Variants in MDGA2 observed in about 807,000 individuals in gnomAD.
MDGA2 encodes MAM domain containing glycosylphosphatidylinositol anchor 2.
MDGA2 carries 40 observed loss-of-function variants against 117.8 expected under a neutral mutation model. The ratio of observed to expected loss-of-function variants is 0.34; its 90% confidence interval spans 0.26 to 0.44. The LOEUF (loss-of-function observed/expected upper bound fraction) is 0.44, where lower values mean the gene tolerates loss of function less well. Among genes scored for constraint, MDGA2 ranks in the 20% least tolerant of loss-of-function variants. MDGA2 has a pLI of 1.00. For synonymous variants in MDGA2, 452 were observed against 439.0 expected (o/e 1.03, Z -0.37); for missense variants, 1,123 against 1,250.6 (o/e 0.90, Z 1.54).
intron 8 of MDGA2, among the ~76,000 whole-genome samples, chr14:46,974,158 A>G (rs1886369045): frequency 6.6e-6 from 1 of 152,192 alleles, no homozygotes; most frequent in Non-Finnish European, 1.5e-5. Flanking sequence ...AATACTTAGG[A>G]GTTAATTTAA....
chr14:47,547,820 T>C (rs1895493048), intron 1 of MDGA2, among the ~76,000 whole-genome samples: 1 of 152,210 alleles, frequency 6.6e-6, no homozygotes, highest in African/African-American at 2.4e-5. Context: ...ATTGAGCATT[T>C]GTAAATGCAT....
chr14:47,258,394 A>G (rs1037447779), intron 2 of MDGA2, among the ~76,000 whole-genome samples: 1 of 152,070 alleles, frequency 6.6e-6, no homozygotes, highest in Non-Finnish European at 1.5e-5. Context: ...AGCAAGAGGA[A>G]GAGAGTGAAG....
chr14:46,924,811 T>A (rs936654197), intron 9 of MDGA2, among the ~76,000 whole-genome samples: 1 of 152,080 alleles, frequency 6.6e-6, no homozygotes, highest in South Asian at 2.1e-4. Flanking sequence ...TCTTTTTAGA[T>A]GTATGTTTGC....
intron 2 of MDGA2, among the ~76,000 whole-genome samples, chr14:47,286,657 T>C (rs1487275618): frequency 2.0e-5 from 3 of 151,932 alleles, no homozygotes; most frequent in Admixed American, 2.0e-4. Flanking sequence ...CGGTTGATTC[T>C]GTATCTTGGC....
intron 14 of MDGA2, among the ~76,000 whole-genome samples, chr14:46,872,229 C>T (rs965144629): frequency 6.6e-6 from 1 of 151,854 alleles, no homozygotes; most frequent in Non-Finnish European, 1.5e-5. Flanking sequence ...GTGGCTGATA[C>T]ATATTATGTG....
At chr14:47,540,563 TACAC>T (rs1555330674) in intron 1 of MDGA2, among the ~76,000 whole-genome samples, 6 of 112,496 alleles carry the variant, frequency 5.3e-5, no homozygotes, top group Admixed American at 1.1e-4. Context: ...TGTATATATA[TACAC>T]ACACACATAG....
rs569398198 is a variant in MDGA2 at position 47,018,224 on chromosome 14, G to T, written c.1819+16787C>A. Among the ~76,000 whole-genome samples the T allele has an allele frequency of 9.2e-5, 14 of 151,786 alleles. No individual in the cohort carries two copies. The South Asian group carries it at 2.3e-3, about 25-fold the overall frequency. ...GATTGTGACAGGAGTCTAAACAGGAGAACATTACCAGGAAAAAACTAAATT... is the reference window on the plus strand; with the variant it reads ...GATTGTGACAGGAGTCTAAACAGGATAACATTACCAGGAAAAAACTAAATT... On this transcript the variant is annotated intron_variant, in intron 8 of 16. Coordinates refer to ENST00000399232, the MANE Select transcript of MDGA2 (RefSeq NM_001113498.3).
chr14:46,893,662 A>C (rs1343011208), intron 10 of MDGA2, among the ~76,000 whole-genome samples: 1 of 152,066 alleles, frequency 6.6e-6, no homozygotes, highest in Non-Finnish European at 1.5e-5. Context: ...AGACAAATTT[A>C]AAAATTATTA....
chr14:47,541,919 A>T (rs1020847671), intron 1 of MDGA2, among the ~76,000 whole-genome samples: 1 of 152,180 alleles, frequency 6.6e-6, no homozygotes, highest in Non-Finnish European at 1.5e-5. Flanking sequence ...TCTTCTTCGG[A>T]AAGTAAAATA....
At chr14:47,241,576 C>T (rs1887042558) in intron 2 of MDGA2, among the ~76,000 whole-genome samples, 1 of 151,762 alleles carries the variant, frequency 6.6e-6, no homozygotes, top group African/African-American at 2.4e-5. Flanking sequence ...AAGGTCACTC[C>T]TTGAACCAAA....
intron 2 of MDGA2, among the ~76,000 whole-genome samples, chr14:47,276,497 T>G (rs954642836): frequency 5.3e-5 from 8 of 152,186 alleles, no homozygotes; most frequent in African/African-American, 1.9e-4. Flanking sequence ...GTGTTTTGTT[T>G]AATTGAGTAA....
chr14:47,364,483 C>T (rs990082978), intron 1 of MDGA2, among the ~76,000 whole-genome samples: 4 of 152,150 alleles, frequency 2.6e-5, no homozygotes, highest in African/African-American at 9.7e-5. Context: ...CCAGAATGGT[C>T]TCGATCTCCT....
chr14:47,341,169 T>C (rs1272695009), intron 1 of MDGA2, among the ~76,000 whole-genome samples: 1 of 152,164 alleles, frequency 6.6e-6, no homozygotes, highest in Non-Finnish European at 1.5e-5. Flanking sequence ...CTCTAAACAG[T>C]CCTTTTAAGG....
chr14:47,473,591 G>T (rs1893774403), intron 1 of MDGA2, among the ~76,000 whole-genome samples: 1 of 151,046 alleles, frequency 6.6e-6, no homozygotes, highest in South Asian at 2.1e-4. Flanking sequence ...CAAAAGACGG[G>T]GACTGCAAAA....
rs139897690 is a variant in MDGA2 at position 47,508,065 on chromosome 14, C to A, written c.280+166452G>T. Among the ~76,000 whole-genome samples, 1,176 of 152,326 alleles carry A rather than the reference C, an allele frequency of 7.7e-3. 9 individuals are homozygous for A. The highest frequency in any genetic ancestry group is 0.013 in the Non-Finnish European group (874 of 68,022). On this transcript the variant is annotated intron_variant, in intron 1 of 16. Coordinates refer to ENST00000399232, the MANE Select transcript of MDGA2 (RefSeq NM_001113498.3). ...TGAATGGCTCTATTTGTTAGGAAGT[C>A]TTCCTGATATAGTAGTGTAATCATT... is the stretch of plus-strand genomic sequence containing the variant.
intron 14 of MDGA2, among the ~76,000 whole-genome samples, chr14:46,860,193 ACTT>A (rs1429955311): frequency 6.6e-6 from 1 of 152,016 alleles, no homozygotes; most frequent in Non-Finnish European, 1.5e-5. Context: ...CATTCCCTCA[ACTT>A]CTTCATCAGG....
chr14:47,129,618 G>T (rs1882094883), intron 5 of MDGA2, among the ~76,000 whole-genome samples: 2 of 149,628 alleles, frequency 1.3e-5, no homozygotes, highest in South Asian at 4.2e-4. Context: ...GTAATGGGAT[G>T]GCTGGGTCAA....
intron 1 of MDGA2, among the ~76,000 whole-genome samples, chr14:47,359,435 T>A (rs952585519): frequency 6.6e-6 from 1 of 151,562 alleles, no homozygotes; most frequent in Non-Finnish European, 1.5e-5. Flanking sequence ...TGTGCTGCCA[T>A]AAAAACCAAC....
chr14:47,004,213 G>A (rs1247429263), intron 8 of MDGA2, among the ~76,000 whole-genome samples: 1 of 151,872 alleles, frequency 6.6e-6, no homozygotes, highest in African/African-American at 2.4e-5. Flanking sequence ...TTAGTCATCA[G>A]AGAAATACAA....
Sources: gnomAD v4.1 joint callset for allele counts (sites outside exome capture counted in the v4.1 genomes callset) on GRCh38, gnomAD v4.1.1 for gene constraint, MANE v1.5 for transcripts, NCBI Gene and HGNC (gene_info 2026-07-23, HGNC 2026-07-21) for gene names.